Variants in CAP2 observed in about 807,000 individuals in gnomAD.
CAP2 encodes the protein adenylyl cyclase-associated protein 2.
In CAP2, 24 loss-of-function variants were observed where a neutral mutation model predicts 57.7. The observed-to-expected ratio is 0.42, with a 90% confidence interval of 0.30 to 0.58. The LOEUF is 0.58. Ranked by LOEUF, CAP2 falls within the 20% of genes least tolerant of loss-of-function variation. The probability of loss-of-function intolerance (pLI) is 0.22; values close to 1 mark genes in which losing one functional copy is unlikely to be tolerated. For synonymous variants in CAP2, 194 were observed against 207.2 expected (o/e 0.94, Z 0.55); for missense variants, 501 against 590.3 (o/e 0.85, Z 1.57).
chr6:17,541,200 C>A, intron 9 of CAP2, 52 bp downstream of exon 9: 1 of 1,392,058 alleles, frequency 7.2e-7, no homozygotes, highest in Non-Finnish European at 9.9e-7. Context: ...AATGAAAGGA[C>A]CAACAGCCAA....
At chr6:17,404,922 A>T (rs1758917145) in intron 1 of CAP2, among the ~76,000 whole-genome samples, 1 of 152,136 alleles carries the variant, frequency 6.6e-6, no homozygotes, top group African/African-American at 2.4e-5. Flanking sequence ...CACTCACCAG[A>T]AGGTATTGTA....
At chr6:17,494,705 G>A (rs555848678) in intron 4 of CAP2, among the ~76,000 whole-genome samples, 5 of 152,102 alleles carry the variant, frequency 3.3e-5, no homozygotes, top group East Asian at 1.9e-4. Context: ...TTTATGTGTC[G>A]ACTTGGCTGG....
In CAP2 at chr6:17,394,934, C is replaced by A. The variant is rs946869723; in HGVS notation, c.-2+1188C>A. Among the ~76,000 whole-genome samples, 9 of 152,146 alleles carry A rather than the reference C, an allele frequency of 5.9e-5. No individual in the cohort carries two copies. In the East Asian group the frequency reaches 1.7e-3, roughly 29 times the overall value. ...AGTGTGTGAAATAGTTAATTCAGTA[C>A]CTTAAGTGTAGATGGAGCATGACTT... is the stretch of plus-strand genomic sequence containing the variant. On this transcript the variant is annotated intron_variant, in intron 1 of 12. Coordinates refer to ENST00000229922, the MANE Select transcript of CAP2 (RefSeq NM_006366.3).
At chr6:17,396,397 A>G (rs1758664065) in intron 1 of CAP2, among the ~76,000 whole-genome samples, 1 of 152,248 alleles carries the variant, frequency 6.6e-6, no homozygotes, top group Non-Finnish European at 1.5e-5. Context: ...GAAACAAACC[A>G]AATGACTATC....
At chr6:17,490,314 C>G (rs1761514540) in intron 4 of CAP2, among the ~76,000 whole-genome samples, 2 of 152,198 alleles carry the variant, frequency 1.3e-5, no homozygotes, top group Non-Finnish European at 2.9e-5. Context: ...ACATCTGTGG[C>G]TATCTCTTTC....
At chr6:17,491,423 T>C (rs745313764) in intron 4 of CAP2, among the ~76,000 whole-genome samples, 2 of 152,234 alleles carry the variant, frequency 1.3e-5, no homozygotes, top group Non-Finnish European at 2.9e-5. Context: ...CATGATATGC[T>C]TTTTCTTCAG....
At chr6:17,430,204 G>A (rs1043584397) in intron 3 of CAP2, among the ~76,000 whole-genome samples, 5 of 152,102 alleles carry the variant, frequency 3.3e-5, no homozygotes, top group Non-Finnish European at 5.9e-5. Context: ...CACAAAAAAG[G>A]GGATCTAATA....
intron 4 of CAP2, among the ~76,000 whole-genome samples, chr6:17,463,684 T>C (rs554557081): frequency 6.6e-6 from 1 of 152,326 alleles, no homozygotes; most frequent in East Asian, 1.9e-4. Context: ...ATTCTGCTTT[T>C]TAATAAGCTC....
chr6:17,438,431 G>GTA (rs1554122609), intron 3 of CAP2, among the ~76,000 whole-genome samples: 6 of 85,466 alleles, frequency 7.0e-5, no homozygotes, highest in African/African-American at 3.7e-4. Context: ...CCATCCAGAA[G>GTA]TGTTTTTTTT....
intron 7 of CAP2, chr6:17,531,783 G>T: frequency 1.7e-6 from 1 of 573,770 alleles, no homozygotes; most frequent in Non-Finnish European, 3.1e-6. Context: ...CTCCTTTTAG[G>T]ATAAAGATAC....
intron 6 of CAP2, among the ~76,000 whole-genome samples, chr6:17,511,803 G>T (rs763662352): frequency 1.3e-5 from 2 of 152,080 alleles, no homozygotes; most frequent in Non-Finnish European, 2.9e-5. Context: ...TAGCTTTATA[G>T]AGGTGTGGTC....
intron 4 of CAP2, among the ~76,000 whole-genome samples, chr6:17,498,860 C>T (rs1189375715): frequency 6.6e-6 from 1 of 151,956 alleles, no homozygotes; most frequent in Non-Finnish European, 1.5e-5. Context: ...TCCTGATTAG[C>T]TGGGATTACA....
At chr6:17,441,005 CT>C (rs200540822) in intron 3 of CAP2, among the ~76,000 whole-genome samples, 1,572 of 151,492 alleles carry the variant, frequency 0.01, 103 homozygotes, top group African/African-American at 0.036. Flanking sequence ...TGAACTCATC[CT>C]TTTTTATGGC....
intron 1 of CAP2, among the ~76,000 whole-genome samples, chr6:17,399,576 A>C (rs1404278086): frequency 6.6e-6 from 1 of 152,194 alleles, no homozygotes; most frequent in Non-Finnish European, 1.5e-5. Flanking sequence ...TGGGGTCTTC[A>C]TCTGCCCTGT....
chr6:17,455,738 T>C (rs953933801), intron 3 of CAP2, among the ~76,000 whole-genome samples: 2 of 152,170 alleles, frequency 1.3e-5, no homozygotes, highest in Admixed American at 6.5e-5. Flanking sequence ...GGTTTCACCA[T>C]ATTAGCCAGA....
chr6:17,529,651 A>AATATATAT (rs1554129488), intron 7 of CAP2, among the ~76,000 whole-genome samples: 42 of 134,532 alleles, frequency 3.1e-4, no homozygotes, highest in Non-Finnish European at 3.7e-4. Context: ...AAAAAAAAAA[A>AATATATAT]ATATATATAT....
At chr6:17,537,036 T>G (rs1159533946) in intron 7 of CAP2, among the ~76,000 whole-genome samples, 1 of 152,230 alleles carries the variant, frequency 6.6e-6, no homozygotes, top group Non-Finnish European at 1.5e-5. Context: ...CAAAGACTAT[T>G]GCAAATTAAA....
chr6:17,506,446 A>T (rs1241456112), intron 4 of CAP2, among the ~76,000 whole-genome samples: 3 of 152,188 alleles, frequency 2.0e-5, no homozygotes, highest in East Asian at 3.9e-4. Flanking sequence ...TGAGGTCAGG[A>T]GTTCAAGACC....
At chr6:17,425,460 C>A (rs1328138893) in intron 2 of CAP2, among the ~76,000 whole-genome samples, 2 of 152,188 alleles carry the variant, frequency 1.3e-5, no homozygotes, top group Non-Finnish European at 2.9e-5. Context: ...AATCAGCTTT[C>A]TTTTCCTCCT....
Sources: gnomAD v4.1 joint callset for allele counts (sites outside exome capture counted in the v4.1 genomes callset) on GRCh38, gnomAD v4.1.1 for gene constraint, MANE v1.5 for transcripts, NCBI Gene and HGNC (gene_info 2026-07-23, HGNC 2026-07-21) for gene names.